TSNAXIP1: variants seen among roughly 807,000 people sequenced by gnomAD.
TSNAXIP1 encodes the protein translin associated factor X interacting protein 1, also known as translin-associated factor X-interacting protein 1.
A neutral mutation model predicts 84.8 loss-of-function variants in TSNAXIP1; 89 were observed. The observed-to-expected ratio is 1.05, with a 90% CI of 0.88 to 1.25. TSNAXIP1 has a LOEUF of 1.25. Among genes scored for constraint, TSNAXIP1 ranks in the 50% most tolerant of loss-of-function variants. The probability of loss-of-function intolerance (pLI) is 0.00; values close to 1 mark genes in which losing one functional copy is unlikely to be tolerated. For missense variants in TSNAXIP1, 874 were observed against 887.6 expected, an observed-to-expected ratio of 0.98 and a Z score of 0.20; for synonymous variants, 347 against 335.2, an observed-to-expected ratio of 1.04 and a Z score of -0.39.
At chr16:67,820,032 A>G (rs559835047) in intron 2 of TSNAXIP1, among the ~76,000 whole-genome samples, 32 of 151,590 alleles carry the variant, frequency 2.1e-4, no homozygotes, top group Non-Finnish European at 3.7e-4. Flanking sequence ...GTTAACCAGG[A>G]TGGTCTCGAT....
chr16:67,826,187 C>G lies in TSNAXIP1; in HGVS notation c.1180C>G (p.Leu394Val). The G allele has an allele frequency of 3.7e-6, 6 of 1,612,274 alleles. No homozygotes were observed. Among genetic ancestry groups the G allele is most frequent in the Non-Finnish European group, 5.1e-6 (6 of 1,178,716 alleles). The change falls in exon 10 of 16, where the codon CTG becomes GTG. Residue 394 changes from leucine (L) to valine (V), a missense_variant. Coordinates refer to ENST00000561639, the MANE Select transcript of TSNAXIP1 (RefSeq NM_001288990.3). The stretch of plus-strand genomic sequence containing the variant: ...TGGGGGCCCAGAGCGCTGGCAGATG[C>G]TGGCTGAGGGCAAGAACAGCGACCA... ...VAGGPERWQMLAEGKNSDQLV... is the reference protein window; with the variant it reads ...VAGGPERWQMVAEGKNSDQLV...
Position 67,826,468 on chromosome 16 carries a change from G to C in TSNAXIP1, c.1307G>C (p.Arg436Pro), listed in dbSNP as rs200583228. Residue 436 changes from arginine to proline, a missense_variant, in exon 11 of 16, where the codon CGG becomes CCG. By Grantham distance (103) the Arg-to-Pro change is moderately radical. Coordinates refer to ENST00000561639, the MANE Select transcript of TSNAXIP1 (RefSeq NM_001288990.3). ...GYGEAIPAFL[R>P]FDGLVENKKP... ...GGGGAAGCCATCCCTGCTTTTCTTC[G>C]GTTTGATGGCCTCGTGGAGAACAAG... 7.4e-6 allele frequency: 12 copies of C among 1,613,902 alleles called. No individual in the cohort carries two copies. The highest frequency in any genetic ancestry group is 9.3e-6 in the Non-Finnish European group (11 of 1,180,016).
At chr16:67,810,437 G>A (rs773439141) in intron 1 of TSNAXIP1, among the ~76,000 whole-genome samples, 4 of 151,780 alleles carry the variant, frequency 2.6e-5, no homozygotes, top group Non-Finnish European at 5.9e-5. Context: ...TGACCAACAC[G>A]GTGAAACCCC....
chr16:67,827,076 A>G lies in TSNAXIP1; in HGVS notation c.1664+4A>G, dbSNP rs747903477. ...TACTAACCATGGAGCAGTTCAAGTGAGAGGCCAGTCCAGGCTACCCCCAAC... is the reference window on the plus strand; with the variant it reads ...TACTAACCATGGAGCAGTTCAAGTGGGAGGCCAGTCCAGGCTACCCCCAAC... On this transcript the variant is annotated splice_donor_region_variant and intron_variant, in intron 13 of 15. Coordinates refer to ENST00000561639, the MANE Select transcript of TSNAXIP1 (RefSeq NM_001288990.3). 4 of 1,613,514 alleles carry G rather than the reference A, an allele frequency of 2.5e-6. No individual in the cohort carries two copies. Among genetic ancestry groups the G allele is most frequent in the Non-Finnish European group, 3.4e-6 (4 of 1,179,738 alleles).
chr16:67,818,075 G>C (rs1769700095), intron 2 of TSNAXIP1, among the ~76,000 whole-genome samples: 1 of 151,860 alleles, frequency 6.6e-6, no homozygotes, highest in Non-Finnish European at 1.5e-5. Flanking sequence ...TGGGCGTGGT[G>C]GCATGCGCCT....
chr16:67,824,689 A>G lies in TSNAXIP1; in HGVS notation c.588A>G (p.Lys196=). The G allele has an allele frequency of 6.2e-7, 1 of 1,614,176 alleles. No individual in the cohort carries two copies. Among genetic ancestry groups the G allele is most frequent in the East Asian group, 2.2e-5 (1 of 44,882 alleles). ...ERILAMRAEE[K]YEISLLKKEK... is the part of the protein sequence containing the mutation. ...TCCTGGCCATGAGAGCTGAGGAGAAATATGAAATCTCCCTGCTCAAGAAAG... is the reference window on the plus strand; with the variant it reads ...TCCTGGCCATGAGAGCTGAGGAGAAGTATGAAATCTCCCTGCTCAAGAAAG... Residue 196 remains lysine (K), a synonymous_variant, in exon 6 of 16, where the codon AAA becomes AAG. Transcript: ENST00000561639.
chr16:67,814,367 A>G lies in TSNAXIP1; in HGVS notation c.113A>G (p.Gln38Arg). 6.5e-7 allele frequency: 1 copy of G among 1,536,088 alleles called. No individual in the cohort carries two copies. Among genetic ancestry groups the G allele is most frequent in the Non-Finnish European group, 8.7e-7 (1 of 1,146,900 alleles). ...ESFLTEDKST[Q>R]NRKLLQKRRT... The stretch of plus-strand genomic sequence containing the variant: ...TTTCTCACAGAAGACAAGAGCACCC[A>G]GAATCGCAAGCTTCTTCAGAAACGA... The change falls in exon 2 of 16, where the codon CAG (glutamine) becomes CGG (arginine). Residue 38 changes from glutamine (Q) to arginine (R), a missense_variant. Transcript: ENST00000561639.
intron 4 of TSNAXIP1, among the ~76,000 whole-genome samples, chr16:67,822,454 G>A (rs191297919): frequency 6.4e-4 from 98 of 152,118 alleles, no homozygotes; most frequent in African/African-American, 2.1e-3. Context: ...ATCAGTGAAC[G>A]TAGCCTGAAT....
intron 5 of TSNAXIP1, among the ~76,000 whole-genome samples, chr16:67,824,092 G>A (rs974526541): frequency 2.7e-5 from 4 of 150,100 alleles, no homozygotes; most frequent in African/African-American, 7.4e-5. Context: ...GATCCTATTC[G>A]ACCTTCTGGT....
chr16:67,825,002 A>C, intron 6 of TSNAXIP1, 135 bp from the exon 7 acceptor site: 4 of 1,284,794 alleles, frequency 3.1e-6, no homozygotes, highest in Non-Finnish European at 4.3e-6. Flanking sequence ...GAAATGGCCA[A>C]TCTCCTTCTT....
chr16:67,811,709 T>C (rs2056101227), intron 1 of TSNAXIP1, among the ~76,000 whole-genome samples: 1 of 152,138 alleles, frequency 6.6e-6, no homozygotes, highest in Non-Finnish European at 1.5e-5. Context: ...CCCAAAGTGC[T>C]GGGATTACAG....
In TSNAXIP1 at chr16:67,827,039, A is replaced by G. The variant is rs760073927; in HGVS notation, c.1631A>G (p.Gln544Arg). 2 of 1,614,216 alleles carry G rather than the reference A, an allele frequency of 1.2e-6. No individual in the cohort carries two copies. The highest frequency in any genetic ancestry group is 4.5e-5 in the East Asian group (2 of 44,888). Residue 544 changes from glutamine to arginine, a missense_variant, in exon 13 of 16, where the codon CAG becomes CGG. Physicochemically the swap from Gln to Arg is conservative, Grantham distance 43. Transcript: ENST00000561639. ...LLKEMTNADSQNEGLLTMEQF... is the reference protein window; with the variant it reads ...LLKEMTNADSRNEGLLTMEQF... ...AAGGAGATGACAAATGCTGACAGTC[A>G]GAACGAGGGGCTACTAACCATGGAG...
At chr16:67,822,828 T>C (rs2057171366) in intron 4 of TSNAXIP1, among the ~76,000 whole-genome samples, 1 of 152,188 alleles carries the variant, frequency 6.6e-6, no homozygotes, top group Non-Finnish European at 1.5e-5. Flanking sequence ...AACTCAGGGC[T>C]GACTCTGGAG....
At chr16:67,821,583 C>CA (rs891418868) in intron 4 of TSNAXIP1, among the ~76,000 whole-genome samples, 4 of 151,108 alleles carry the variant, frequency 2.6e-5, no homozygotes, top group South Asian at 2.1e-4. Context: ...GTCTCAAAAA[C>CA]AAAAAAAAGC....
At chr16:67,822,911 C>A (rs760209340) in intron 4 of TSNAXIP1, among the ~76,000 whole-genome samples, 1 of 152,194 alleles carries the variant, frequency 6.6e-6, no homozygotes, top group Non-Finnish European at 1.5e-5. Flanking sequence ...GAAGACCACA[C>A]CCCTACTTGC....
Position 67,826,809 on chromosome 16 carries a change from G to A in TSNAXIP1, c.1519G>A (p.Val507Ile). The change falls in exon 12 of 16, where the codon GTT (valine) becomes ATT (isoleucine). Residue 507 changes from valine to isoleucine, a missense_variant. By Grantham distance (29) the Val-to-Ile change is conservative. Transcript: ENST00000561639. ...TATCAAGATCTTCCACTCCAACGAGGTTATGAGTCAGTTCTATGCAGTCTT... is the reference window on the plus strand; with the variant it reads ...TATCAAGATCTTCCACTCCAACGAGATTATGAGTCAGTTCTATGCAGTCTT... ...ENIKIFHSNEVMSQFYAVLMG... is the reference protein window; with the variant it reads ...ENIKIFHSNEIMSQFYAVLMG... The A allele has an allele frequency of 6.2e-7, 1 of 1,613,970 alleles. No homozygotes were observed. The highest frequency in any genetic ancestry group is 1.3e-5 in the African/African-American group (1 of 75,052).
chr16:67,807,938 T>A (rs1467223599), intron 1 of TSNAXIP1, among the ~76,000 whole-genome samples: 3 of 152,106 alleles, frequency 2.0e-5, no homozygotes, highest in Non-Finnish European at 4.4e-5. Flanking sequence ...TATGACCAGC[T>A]CCATCAGCCT....
At position 67,823,712 on chromosome 16, in the gene TSNAXIP1, G is replaced by A. The variant is rs62636659; in HGVS notation, c.474G>A (p.Gly158=). Residue 158 remains glycine, a synonymous_variant, in exon 5 of 16, where the codon GGG becomes GGA. Coordinates refer to ENST00000561639, the MANE Select transcript of TSNAXIP1 (RefSeq NM_001288990.3). ...LLSSIKNAYE[G]MLAHQREKIR... Reference sequence around the variant, plus strand: ...CCTCCATCAAGAATGCGTATGAGGGGATGCTGGGTAAGAATGCACCTCCTG... The same window carrying A: ...CCTCCATCAAGAATGCGTATGAGGGAATGCTGGGTAAGAATGCACCTCCTG... 1.8e-3 allele frequency: 2,865 copies of A among 1,612,220 alleles called. 2 individuals are homozygous for A. Among genetic ancestry groups the A allele is most frequent in the Admixed American group, 2.4e-3 (143 of 59,908 alleles).
chr16:67,821,317 C>A, intron 4 of TSNAXIP1, 92 bp downstream of exon 4: 7 of 1,503,956 alleles, frequency 4.7e-6, no homozygotes, highest in Non-Finnish European at 5.4e-6. Context: ...CGCCTGTAAT[C>A]TCAGCACTTT....
Sources: gnomAD v4.1 joint callset for allele counts (sites outside exome capture counted in the v4.1 genomes callset) on GRCh38, gnomAD v4.1.1 for gene constraint, MANE v1.5 for transcripts, NCBI Gene and HGNC (gene_info 2026-07-23, HGNC 2026-07-21) for gene names.